Variants in PCCA observed in about 807,000 individuals in gnomAD.
PCCA encodes propionyl-CoA carboxylase subunit alpha.
A neutral mutation model predicts 101.3 loss-of-function variants in PCCA; 74 were observed. That is an observed-to-expected ratio of 0.73 (90% CI 0.61 to 0.89). PCCA has a LOEUF of 0.89. Among genes scored for constraint, PCCA ranks in the 40% least tolerant of loss-of-function variants. The probability of loss-of-function intolerance (pLI) is 0.00; values close to 1 mark genes in which losing one functional copy is unlikely to be tolerated. For synonymous variants in PCCA, 294 were observed against 313.6 expected (o/e 0.94, Z 0.66); for missense variants, 891 against 907.0 (o/e 0.98, Z 0.23).
chr13:100,408,475 C>A (rs1453616667), intron 19 of PCCA, among the ~76,000 whole-genome samples: 3 of 152,152 alleles, frequency 2.0e-5, no homozygotes, highest in Non-Finnish European at 2.9e-5. Context: ...TTTTTATCTT[C>A]CCTTTAAAAA....
At chr13:100,347,230 A>G (rs537265079) in intron 18 of PCCA, among the ~76,000 whole-genome samples, 2 of 152,314 alleles carry the variant, frequency 1.3e-5, no homozygotes, top group South Asian at 4.1e-4. Flanking sequence ...CGCACACTTA[A>G]TAGACTACAA....
At chr13:100,155,119 C>T in intron 5 of PCCA, 27 bp downstream of exon 5, 1 of 1,379,218 alleles carries the variant, frequency 7.3e-7, no homozygotes, top group East Asian at 2.3e-5. Context: ...CTATCTACTG[C>T]AGCTGTTTCA....
chr13:100,499,679 G>C (rs1344786521), intron 21 of PCCA, among the ~76,000 whole-genome samples: 1 of 152,252 alleles, frequency 6.6e-6, no homozygotes, highest in Non-Finnish European at 1.5e-5. Flanking sequence ...CTCTGTTGCA[G>C]AAGCACATCT....
intron 19 of PCCA, among the ~76,000 whole-genome samples, chr13:100,425,008 TA>T (rs1340731717): frequency 5.3e-5 from 8 of 152,216 alleles, no homozygotes; most frequent in Non-Finnish European, 7.3e-5. Context: ...ATTTGGAAAT[TA>T]TTTTTTTTCT....
At chr13:100,464,685 A>C (rs1566378760) in intron 21 of PCCA, 1 of 152,180 alleles carries the variant, frequency 6.6e-6, no homozygotes, top group Non-Finnish European at 1.5e-5. Flanking sequence ...GTGAATATGG[A>C]ATAGAAAGCA....
chr13:100,137,452 G>A (rs747546543), intron 4 of PCCA, among the ~76,000 whole-genome samples: 1 of 152,086 alleles, frequency 6.6e-6, no homozygotes, highest in Non-Finnish European at 1.5e-5. Flanking sequence ...TGTTTCCAAC[G>A]ATGACTGGGT....
At chr13:100,423,020 T>C (rs530476946) in intron 19 of PCCA, among the ~76,000 whole-genome samples, 1 of 152,104 alleles carries the variant, frequency 6.6e-6, no homozygotes, top group African/African-American at 2.4e-5. Flanking sequence ...TTTTTTTTTT[T>C]CCAAATTGTA....
intron 1 of PCCA, among the ~76,000 whole-genome samples, 153 bp downstream of exon 1, chr13:100,089,378 G>C (rs2046063019): frequency 6.6e-6 from 1 of 152,260 alleles, no homozygotes; most frequent in Non-Finnish European, 1.5e-5. Context: ...CCTCCCTCCC[G>C]GAGTTCGCGT....
At chr13:100,409,164 G>A (rs1023309580) in intron 19 of PCCA, among the ~76,000 whole-genome samples, 7 of 152,106 alleles carry the variant, frequency 4.6e-5, no homozygotes, top group South Asian at 2.1e-4. Context: ...TGGAAAGGTC[G>A]GGTTGGTTCT....
chr13:100,188,991 A>G (rs2057535352), intron 6 of PCCA, among the ~76,000 whole-genome samples: 1 of 151,788 alleles, frequency 6.6e-6, no homozygotes. Context: ...GCACCCATCA[A>G]CCCGTCAGCT....
chr13:100,275,435 CT>C (rs1291231156), intron 12 of PCCA, among the ~76,000 whole-genome samples: 5 of 152,164 alleles, frequency 3.3e-5, no homozygotes. Flanking sequence ...ATTTCTGCCT[CT>C]TTCCTGATGG....
At chr13:100,385,218 T>C (rs2076431731) in intron 19 of PCCA, among the ~76,000 whole-genome samples, 2 of 152,218 alleles carry the variant, frequency 1.3e-5, no homozygotes, top group Admixed American at 1.3e-4. Context: ...CAAGAACTTT[T>C]TCCTTGATAA....
At chr13:100,161,184 A>G (rs1304374408) in intron 6 of PCCA, 1 of 152,208 alleles carries the variant, frequency 6.6e-6, no homozygotes, top group African/African-American at 2.4e-5. Flanking sequence ...TGGGTTAACC[A>G]AAAACCTTTT....
intron 18 of PCCA, among the ~76,000 whole-genome samples, chr13:100,348,419 A>G (rs750341197): frequency 1.3e-5 from 2 of 152,220 alleles, no homozygotes; most frequent in African/African-American, 4.8e-5. Context: ...GATGAGCTCA[A>G]TCTTTTTCTG....
intron 18 of PCCA, among the ~76,000 whole-genome samples, chr13:100,340,901 A>G (rs2071206128): frequency 6.6e-6 from 1 of 152,116 alleles, no homozygotes; most frequent in Non-Finnish European, 1.5e-5. Flanking sequence ...TTTCCTTTTT[A>G]CTTTTTCACA....
At chr13:100,202,486 GTT>G (rs1338702389) in intron 6 of PCCA, among the ~76,000 whole-genome samples, 26 of 130,344 alleles carry the variant, frequency 2.0e-4, no homozygotes, top group African/African-American at 6.4e-4. Flanking sequence ...ACCTATTCCT[GTT>G]TTTTTTTTTT....
At chr13:100,163,122 A>G (rs994237779) in intron 6 of PCCA, among the ~76,000 whole-genome samples, 48 of 152,174 alleles carry the variant, frequency 3.2e-4, no homozygotes, top group African/African-American at 1.1e-3. Flanking sequence ...TCTTTTAAGG[A>G]TGTAGATAGG....
At chr13:100,503,097 C>T (rs977825137) in intron 21 of PCCA, among the ~76,000 whole-genome samples, 1 of 152,144 alleles carries the variant, frequency 6.6e-6, no homozygotes, top group Non-Finnish European at 1.5e-5. Flanking sequence ...TGGGAGTTGT[C>T]TGGAGTTGTC....
chr13:100,127,807 G>A (rs184381339), intron 4 of PCCA, among the ~76,000 whole-genome samples: 144 of 152,284 alleles, frequency 9.5e-4, no homozygotes, highest in African/African-American at 3.2e-3. Context: ...CAGGAGAATG[G>A]CGTGAACCTG....
Sources: gnomAD v4.1 joint callset for allele counts (sites outside exome capture counted in the v4.1 genomes callset) on GRCh38, gnomAD v4.1.1 for gene constraint, MANE v1.5 for transcripts, NCBI Gene and HGNC (gene_info 2026-07-23, HGNC 2026-07-21) for gene names.